SDK1: variants seen among roughly 807,000 people sequenced by gnomAD.
SDK1 encodes the protein protein sidekick-1.
SDK1 carries 157 observed loss-of-function variants against 245.5 expected under a neutral mutation model. The ratio of observed to expected loss-of-function variants is 0.64; its 90% CI spans 0.56 to 0.73. The LOEUF is 0.73. Among genes scored for constraint, SDK1 ranks in the 30% least tolerant of loss-of-function variants. The pLI is 0.00. For missense variants in SDK1, 3,583 were observed against 3,002.3 expected (o/e 1.19, Z -4.52); for synonymous variants, 1,647 against 1,278.5 (o/e 1.29, Z -6.15).
At chr7:4,006,039 C>T (rs1015301206) in intron 14 of SDK1, among the ~76,000 whole-genome samples, 2 of 152,100 alleles carry the variant, frequency 1.3e-5, no homozygotes, top group Admixed American at 1.3e-4. Context: ...TGCACTCCAG[C>T]CTGGATGACA....
At chr7:3,762,656 T>A (rs1780141265) in intron 4 of SDK1, among the ~76,000 whole-genome samples, 3 of 152,186 alleles carry the variant, frequency 2.0e-5, no homozygotes, top group African/African-American at 7.2e-5. Flanking sequence ...TCTTCATTTG[T>A]AGCTGTGGCA....
chr7:3,568,642 C>G (rs776455756), intron 1 of SDK1, among the ~76,000 whole-genome samples: 3 of 152,126 alleles, frequency 2.0e-5, no homozygotes, highest in Admixed American at 1.3e-4. Context: ...CACCAGCCAC[C>G]CATGTTAAAG....
chr7:4,241,789 T>C lies in SDK1; in HGVS notation c.6131-4T>C. 6.2e-7 allele frequency: 1 copy of C among 1,613,996 alleles called. No individual in the cohort carries two copies. Among genetic ancestry groups the C allele is most frequent in the Non-Finnish European group, 8.5e-7 (1 of 1,179,982 alleles). On this transcript the variant is annotated splice_polypyrimidine_tract_variant and splice_region_variant and intron_variant, in intron 42 of 44. Transcript: ENST00000404826. ...TCTGTTCTCACTCTCCTGCTGGGCT[T>C]TAGGAAAGGGGATCTCCACCATGGA... is the stretch of plus-strand genomic sequence containing the variant.
intron 5 of SDK1, among the ~76,000 whole-genome samples, chr7:3,863,767 C>G (rs976368087): frequency 6.6e-6 from 1 of 152,180 alleles, no homozygotes. Context: ...TGTCAGAATT[C>G]CTTCCCTGTT....
intron 1 of SDK1, among the ~76,000 whole-genome samples, chr7:3,609,557 T>C (rs1229404068): frequency 1.3e-5 from 2 of 151,962 alleles, no homozygotes; most frequent in African/African-American, 4.8e-5. Context: ...CGTGCCACCA[T>C]ACCCGGCTAA....
intron 1 of SDK1, among the ~76,000 whole-genome samples, chr7:3,322,208 G>T (rs1478801765): frequency 6.6e-6 from 1 of 151,950 alleles, no homozygotes; most frequent in Non-Finnish European, 1.5e-5. Flanking sequence ...TGCTTCTATG[G>T]ATTTATCTAT....
intron 1 of SDK1, among the ~76,000 whole-genome samples, chr7:3,364,836 G>C (rs1781047985): frequency 2.0e-5 from 3 of 152,046 alleles, no homozygotes; most frequent in Admixed American, 2.0e-4. Flanking sequence ...ATTTTGATAG[G>C]AATTGCATCA....
chr7:3,404,888 C>T (rs976253006), intron 1 of SDK1, among the ~76,000 whole-genome samples: 7 of 152,034 alleles, frequency 4.6e-5, no homozygotes, highest in East Asian at 3.9e-4. Context: ...TAATGTATAT[C>T]GTAAGATTGA....
At chr7:3,332,824 T>G (rs1323843793) in intron 1 of SDK1, among the ~76,000 whole-genome samples, 1 of 152,108 alleles carries the variant, frequency 6.6e-6, no homozygotes, top group African/African-American at 2.4e-5. Flanking sequence ...ATCTGCCAAG[T>G]TTTTTATGTG....
intron 14 of SDK1, among the ~76,000 whole-genome samples, chr7:3,988,740 C>G (rs1019594346): frequency 6.6e-6 from 1 of 152,160 alleles, no homozygotes; most frequent in African/African-American, 2.4e-5. Flanking sequence ...CAAAGAAGCT[C>G]TCCAGCACGC....
chr7:3,557,024 T>C (rs1277161419), intron 1 of SDK1, among the ~76,000 whole-genome samples: 8 of 140,204 alleles, frequency 5.7e-5, no homozygotes, highest in Non-Finnish European at 1.3e-4. Flanking sequence ...CTCAAATCAA[T>C]AATCTAAGTT....
Position 3,887,101 on chromosome 7 carries a change from T to G in SDK1, c.848-63822T>G, listed in dbSNP as rs981032742. ...GTTGCAAACAACTCGGTAATCTCAG[T>G]GGTTTGACACAGCCTGGGTTCATTT... On this transcript the variant is annotated intron_variant, in intron 5 of 44. Coordinates refer to ENST00000404826, the MANE Select transcript of SDK1 (RefSeq NM_152744.4). Among the ~76,000 whole-genome samples the G allele has an allele frequency of 2.0e-5, 3 of 152,112 alleles. No individual in the cohort carries two copies. In the East Asian group the frequency reaches 5.8e-4, roughly 29 times the overall value.
At chr7:4,160,563 C>T (rs1351940347) in intron 31 of SDK1, among the ~76,000 whole-genome samples, 1 of 152,236 alleles carries the variant, frequency 6.6e-6, no homozygotes, top group African/African-American at 2.4e-5. Context: ...CACAGACTCT[C>T]TCCAGGGGTT....
intron 22 of SDK1, among the ~76,000 whole-genome samples, chr7:4,094,302 T>G (rs1781999962): frequency 6.6e-6 from 1 of 152,182 alleles, no homozygotes; most frequent in Non-Finnish European, 1.5e-5. Flanking sequence ...CCTCAAATGA[T>G]CCACCCACCT....
At chr7:3,574,406 G>A (rs1027736125) in intron 1 of SDK1, among the ~76,000 whole-genome samples, 3 of 152,020 alleles carry the variant, frequency 2.0e-5, no homozygotes, top group African/African-American at 4.8e-5. Flanking sequence ...ATGAGCCACC[G>A]TGCCCGGCTC....
At chr7:3,411,041 G>A (rs967898880) in intron 1 of SDK1, among the ~76,000 whole-genome samples, 3 of 152,104 alleles carry the variant, frequency 2.0e-5, no homozygotes, top group Admixed American at 6.5e-5. Flanking sequence ...CTTTTAAATC[G>A]TGTAAGAAGA....
intron 4 of SDK1, among the ~76,000 whole-genome samples, chr7:3,663,808 AC>A (rs1403511827): frequency 6.6e-6 from 1 of 152,208 alleles, no homozygotes; most frequent in Non-Finnish European, 1.5e-5. Flanking sequence ...AAAGTAGAAA[AC>A]TAAATCTAAG....
intron 1 of SDK1, among the ~76,000 whole-genome samples, chr7:3,591,439 G>T (rs76205815): frequency 6.6e-6 from 1 of 152,214 alleles, no homozygotes; most frequent in African/African-American, 2.4e-5. Context: ...TTCCTGCCTG[G>T]ATGTCCTTTA....
chr7:4,049,546 G>T, intron 18 of SDK1, 83 bp downstream of exon 18: 1 of 1,020,246 alleles, frequency 9.8e-7, no homozygotes, highest in Non-Finnish European at 1.5e-6. Flanking sequence ...ACCCCCTCTT[G>T]TGTATCAAGA....
Sources: allele counts gnomAD v4.1 joint callset (sites outside exome capture counted in the v4.1 genomes callset), GRCh38; gene constraint gnomAD v4.1.1; transcripts MANE v1.5; gene names NCBI Gene and HGNC (gene_info 2026-07-23, HGNC 2026-07-21).